The following KCNU1 variants were observed in gnomAD, a reference collection of about 807,000 sequenced individuals.
KCNU1 encodes potassium calcium-activated channel subfamily U member 1.
Under a neutral mutation model 126.8 loss-of-function variants are expected in KCNU1, and 93 were observed. The ratio of observed to expected loss-of-function variants is 0.73; its 90% CI spans 0.62 to 0.87. KCNU1 has a LOEUF of 0.87. Among genes scored for constraint, KCNU1 ranks in the 40% least tolerant of loss-of-function variants. KCNU1 has a pLI of 0.00. For missense variants in KCNU1, 1,330 were observed against 1,367.1 expected, an observed-to-expected ratio of 0.97 and a Z score of 0.43; for synonymous variants, 523 against 494.2, an observed-to-expected ratio of 1.06 and a Z score of -0.77.
At chr8:36,917,381 G>T (rs777495447) in intron 22 of KCNU1, among the ~76,000 whole-genome samples, 4 of 148,682 alleles carry the variant, frequency 2.7e-5, no homozygotes, top group Admixed American at 2.7e-4. Context: ...CTAGGATCTC[G>T]GTCTGTCACC....
chr8:36,814,101 C>A, intron 7 of KCNU1, 106 bp from the exon 8 acceptor site: 5 of 796,934 alleles, frequency 6.3e-6, no homozygotes, highest in Non-Finnish European at 1.0e-5. Flanking sequence ...TTTGGTATTT[C>A]ATTTGGATTG....
intron 10 of KCNU1, among the ~76,000 whole-genome samples, chr8:36,823,855 GAGA>G (rs1804219146): frequency 6.9e-5 from 4 of 57,598 alleles, no homozygotes; most frequent in Non-Finnish European, 1.5e-4. Flanking sequence ...TTTTTTTTTT[GAGA>G]AGGAGTTTTG....
At chr8:36,889,598 A>G (rs1388156693) in intron 19 of KCNU1, among the ~76,000 whole-genome samples, 3 of 152,210 alleles carry the variant, frequency 2.0e-5, no homozygotes, top group Non-Finnish European at 4.4e-5. Flanking sequence ...GGGCATAAAG[A>G]AGAATACAAA....
chr8:36,854,834 A>G (rs1215183058), intron 18 of KCNU1, among the ~76,000 whole-genome samples: 1 of 152,138 alleles, frequency 6.6e-6, no homozygotes, highest in East Asian at 1.9e-4. Flanking sequence ...TACACAGGTT[A>G]TAGTGTGTTA....
intron 19 of KCNU1, among the ~76,000 whole-genome samples, chr8:36,886,841 CTG>C (rs1436336482): frequency 2.6e-5 from 4 of 152,182 alleles, no homozygotes; most frequent in African/African-American, 9.6e-5. Context: ...TTATACCACT[CTG>C]TATGCCTTTG....
At chr8:36,892,537 T>C (rs1207443331) in intron 19 of KCNU1, among the ~76,000 whole-genome samples, 1 of 132,870 alleles carries the variant, frequency 7.5e-6, no homozygotes, top group Non-Finnish European at 1.6e-5. Context: ...TGTGTCTTTG[T>C]GTCTCATAAT....
chr8:36,830,491 T>A (rs1317851432), intron 10 of KCNU1, among the ~76,000 whole-genome samples: 1 of 152,102 alleles, frequency 6.6e-6, no homozygotes, highest in African/African-American at 2.4e-5. Context: ...TTAATGTGAA[T>A]CTCACGGATA....
At chr8:36,864,785 A>T (rs1805849191) in intron 19 of KCNU1, among the ~76,000 whole-genome samples, 1 of 152,134 alleles carries the variant, frequency 6.6e-6, no homozygotes, top group South Asian at 2.1e-4. Flanking sequence ...CCTTTCAGGC[A>T]CTTTAGAAAT....
rs138240609 is a variant in KCNU1 at position 36,887,452 on chromosome 8, GT to G, written c.2010-18239del. Among the ~76,000 whole-genome samples, 765 of 99,226 alleles carry G rather than the reference GT, an allele frequency of 7.7e-3. 3 individuals are homozygous for G. Among genetic ancestry groups the G allele is most frequent in the African/African-American group, 0.012 (311 of 27,014 alleles). The allele number at this position is 99,226 out of a possible 152,430, so 65.1% of individuals were successfully genotyped here. ...GTTTATTGGCCATTTGTTTTTTTTT[GT>G]TTTTTTTTTTTTTTTTGGAGAAATG... is the stretch of plus-strand genomic sequence containing the variant. On this transcript the variant is annotated intron_variant, in intron 19 of 26. Coordinates refer to ENST00000399881, the MANE Select transcript of KCNU1 (RefSeq NM_001031836.3).
intron 18 of KCNU1, among the ~76,000 whole-genome samples, chr8:36,852,646 A>T (rs1805390844): frequency 6.6e-6 from 1 of 152,124 alleles, no homozygotes; most frequent in African/African-American, 2.4e-5. Flanking sequence ...ATTTATATAC[A>T]TCTAATCGTA....
At chr8:36,930,818 A>G in intron 24 of KCNU1, 133 bp from the exon 25 acceptor site, 1 of 545,594 alleles carries the variant, frequency 1.8e-6, no homozygotes, top group Non-Finnish European at 3.0e-6. Flanking sequence ...AGATAATAAT[A>G]ATGAGAAACA....
chr8:36,899,699 GCTGTCTTCT>G (rs1202109492), intron 19 of KCNU1, among the ~76,000 whole-genome samples: 3 of 152,058 alleles, frequency 2.0e-5, no homozygotes, highest in East Asian at 1.9e-4. Context: ...TGGCCACCTA[GCTGTCTTCT>G]CTGTCTTCTC....
chr8:36,792,234 A>G (rs1424396160), intron 2 of KCNU1, among the ~76,000 whole-genome samples: 1 of 152,230 alleles, frequency 6.6e-6, no homozygotes, highest in East Asian at 1.9e-4. Context: ...GTTCTCAGCA[A>G]CATTGTCAGA....
At chr8:36,828,474 A>T (rs1303322144) in intron 10 of KCNU1, among the ~76,000 whole-genome samples, 1 of 152,118 alleles carries the variant, frequency 6.6e-6, no homozygotes, top group East Asian at 1.9e-4. Context: ...TAAAATGTGC[A>T]TATTACTTTA....
chr8:36,891,197 G>A (rs552220583), intron 19 of KCNU1, among the ~76,000 whole-genome samples: 1 of 151,376 alleles, frequency 6.6e-6, no homozygotes. Flanking sequence ...TTCTTTTAGA[G>A]TATTTTTATT....
At chr8:36,818,462 C>T (rs1346293988) in intron 10 of KCNU1, among the ~76,000 whole-genome samples, 2 of 151,960 alleles carry the variant, frequency 1.3e-5, no homozygotes, top group Non-Finnish European at 1.5e-5. Context: ...ATATGTTATA[C>T]ATGTTTTTCT....
chr8:36,821,499 C>G (rs1563276334), intron 10 of KCNU1, among the ~76,000 whole-genome samples: 1 of 152,056 alleles, frequency 6.6e-6, no homozygotes, highest in Non-Finnish European at 1.5e-5. Context: ...TATTTAGGAG[C>G]CCCCATCCAG....
chr8:36,813,993 C>T (rs1389323588), intron 7 of KCNU1, among the ~76,000 whole-genome samples: 1 of 152,116 alleles, frequency 6.6e-6, no homozygotes, highest in Non-Finnish European at 1.5e-5. Flanking sequence ...CAGATTTCGG[C>T]AATGATCACG....
At chr8:36,851,688 T>C (rs2117291597) in intron 18 of KCNU1, among the ~76,000 whole-genome samples, 1 of 152,316 alleles carries the variant, frequency 6.6e-6, no homozygotes, top group African/African-American at 2.4e-5. Context: ...CTTTTGTTAA[T>C]TTGATTACTA....
Sources: allele counts gnomAD v4.1 joint callset (sites outside exome capture counted in the v4.1 genomes callset), GRCh38; gene constraint gnomAD v4.1.1; transcripts MANE v1.5; gene names NCBI Gene and HGNC (gene_info 2026-07-23, HGNC 2026-07-21).